The following ALDOB variants were observed in gnomAD, a reference collection of about 807,000 sequenced individuals.
ALDOB encodes fructose-bisphosphate aldolase B.
ALDOB carries 39 observed loss-of-function variants against 41.0 expected under a neutral mutation model. The observed-to-expected ratio is 0.95, with a 90% CI of 0.74 to 1.24. The LOEUF (loss-of-function observed/expected upper bound fraction) is 1.24. Ranked by LOEUF, ALDOB falls within the 50% of genes most tolerant of loss-of-function variation. The probability of loss-of-function intolerance (pLI) is 0.00; values close to 1 mark genes in which losing one functional copy is unlikely to be tolerated. For synonymous variants in ALDOB, 175 were observed against 168.8 expected, an observed-to-expected ratio of 1.04 and a Z score of -0.28; for missense variants, 530 against 457.3, an observed-to-expected ratio of 1.16 and a Z score of -1.45.
chr9:101,429,936 T>A lies in ALDOB; in HGVS notation c.143A>T (p.Lys48Met). The A allele has an allele frequency of 6.2e-7, 1 of 1,614,134 alleles. No homozygotes were observed. The highest frequency in any genetic ancestry group is 1.3e-5 in the African/African-American group (1 of 75,046). The stretch of plus-strand genomic sequence containing the variant: ...GCGGTTCTCTTCAGTGTTTTCCACC[T>A]TGATCCTCTGCAGGCGGTTCCCCAT... ...GTMGNRLQRIKVENTEENRRQ... is the reference protein window; with the variant it reads ...GTMGNRLQRIMVENTEENRRQ... The change falls in exon 3 of 9, where the codon AAG becomes ATG. Residue 48 changes from lysine (K) to methionine (M), a missense_variant. Lys to Met is a moderately conservative substitution (Grantham distance 95). Coordinates refer to ENST00000647789, the MANE Select transcript of ALDOB (RefSeq NM_000035.4).
At chr9:101,432,452 G>A (rs1314117553) in intron 1 of ALDOB, among the ~76,000 whole-genome samples, 3 of 152,102 alleles carry the variant, frequency 2.0e-5, no homozygotes, top group African/African-American at 7.2e-5. Context: ...AAGCCAACCT[G>A]GGTGTGATCT....
At chr9:101,425,300 G>C (rs187189602) in intron 7 of ALDOB, among the ~76,000 whole-genome samples, 153 bp downstream of exon 7, 15 of 152,310 alleles carry the variant, frequency 9.8e-5, no homozygotes, top group Admixed American at 7.8e-4. Context: ...GGGATGCTTG[G>C]TATTCTGAAG....
rs1307637396 is a variant in ALDOB at position 101,427,573 on chromosome 9, G to A, written c.449C>T (p.Ala150Val). 1 of 1,614,176 alleles carries A rather than the reference G, an allele frequency of 6.2e-7. No individual in the cohort carries two copies. Among genetic ancestry groups the A allele is most frequent in the Non-Finnish European group, 8.5e-7 (1 of 1,180,030 alleles). ...KDGVDFGKWRAVLRIADQCPS... is the reference protein window; with the variant it reads ...KDGVDFGKWRVVLRIADQCPS... ...ACACTGGTCGGCAATCCTCAGCACAGCACGCCACTTCCCAAAGTCAACACC... is the reference window on the plus strand; with the variant it reads ...ACACTGGTCGGCAATCCTCAGCACAACACGCCACTTCCCAAAGTCAACACC... Residue 150 changes from alanine to valine, a missense_variant, in exon 5 of 9, where the codon GCT becomes GTT. Physicochemically the swap from Ala to Val is moderately conservative, Grantham distance 64. Coordinates refer to ENST00000647789, the MANE Select transcript of ALDOB (RefSeq NM_000035.4).
At chr9:101,429,142 T>C (rs1564078624) in intron 3 of ALDOB, among the ~76,000 whole-genome samples, 1 of 150,106 alleles carries the variant, frequency 6.7e-6, no homozygotes, top group African/African-American at 2.4e-5. Context: ...TTTCTTTCTT[T>C]TTTTTTTTTT....
chr9:101,425,097 G>T, intron 7 of ALDOB, 55 bp from the exon 8 acceptor site: 1 of 1,582,436 alleles, frequency 6.3e-7, no homozygotes, highest in South Asian at 1.1e-5. Flanking sequence ...TACCCTGCTT[G>T]AGAAAGCAAG....
intron 5 of ALDOB, among the ~76,000 whole-genome samples, 169 bp from the exon 6 acceptor site, chr9:101,426,807 A>G (rs561974572): frequency 8.1e-4 from 123 of 152,340 alleles, no homozygotes; most frequent in Non-Finnish European, 1.4e-3. Flanking sequence ...AAAAATAAAT[A>G]CAAACCCGTA....
At position 101,423,764 on chromosome 9, in the gene ALDOB, G is replaced by C. The variant is rs541032621; in HGVS notation, c.999+1079C>G. Among the ~76,000 whole-genome samples, 15 of 152,032 alleles carry C rather than the reference G, an allele frequency of 9.9e-5. No individual in the cohort carries two copies. The South Asian group carries it at 3.1e-3, about 32-fold the overall frequency. ...TATCCCCACTCTCCTCATCTTTACT[G>C]TCTCCTCTGGCTCCTCTTTCTTTAC... On this transcript the variant is annotated intron_variant, in intron 8 of 8. Coordinates refer to ENST00000647789, the MANE Select transcript of ALDOB (RefSeq NM_000035.4).
At chr9:101,426,411 G>C (rs1253771894) in intron 6 of ALDOB, 144 bp downstream of exon 6, 1 of 667,824 alleles carries the variant, frequency 1.5e-6, no homozygotes, top group Non-Finnish European at 2.7e-6. Flanking sequence ...AAGGTGAAGG[G>C]CTGATGAGCA....
intron 3 of ALDOB, among the ~76,000 whole-genome samples, chr9:101,429,138 TC>T (rs1831175519): frequency 6.7e-6 from 1 of 149,664 alleles, no homozygotes; most frequent in African/African-American, 2.4e-5. Context: ...CTTTTTTCTT[TC>T]TTTTTTTTTT....
At chr9:101,432,110 C>T (rs910793334) in intron 1 of ALDOB, among the ~76,000 whole-genome samples, 3 of 152,156 alleles carry the variant, frequency 2.0e-5, no homozygotes, top group African/African-American at 7.2e-5. Flanking sequence ...TTTCTGCATC[C>T]CTTCAGGGTA....
At chr9:101,425,172 T>C in intron 7 of ALDOB, 130 bp from the exon 8 acceptor site, 1 of 1,129,324 alleles carries the variant, frequency 8.9e-7, no homozygotes, top group South Asian at 1.3e-5. Flanking sequence ...TAAAGCAAAC[T>C]GAGAAATCAG....
intron 8 of ALDOB, 149 bp downstream of exon 8, chr9:101,424,694 A>G: frequency 1.1e-6 from 1 of 896,264 alleles, no homozygotes; most frequent in Admixed American, 2.0e-5. Context: ...CAATCCTCAT[A>G]CTGACCTCTA....
chr9:101,434,703 C>T (rs987496570), intron 1 of ALDOB, among the ~76,000 whole-genome samples: 25 of 152,178 alleles, frequency 1.6e-4, no homozygotes, highest in Middle Eastern at 3.2e-3. Flanking sequence ...CTTTAACACA[C>T]GCGGAGCAGC....
rs369586696 is a variant in ALDOB, at chr9:101,421,877, A to G, written c.1027T>C (p.Tyr343His). 8.4e-5 allele frequency: 136 copies of G among 1,613,898 alleles called. No individual in the cohort carries two copies. Among genetic ancestry groups the G allele is most frequent in the Non-Finnish European group, 1.1e-4 (135 of 1,179,990 alleles). The change falls in exon 9 of 9, where the codon TAT (tyrosine) becomes CAT (histidine). Residue 343 changes from tyrosine to histidine, a missense_variant. Physicochemically the swap from Tyr to His is moderately conservative, Grantham distance 83. Transcript: ENST00000647789. Reference protein sequence around the residue: ...MANCQAAKGQYVHTGSSGAAS... With the variant: ...MANCQAAKGQHVHTGSSGAAS... ...GCCCCAGAAGAACCCGTGTGAACAT[A>G]CTGTCCTTTGGCCGCCTGGCAGTTA...
intron 1 of ALDOB, among the ~76,000 whole-genome samples, chr9:101,431,302 T>C (rs1196765722): frequency 6.6e-6 from 1 of 152,220 alleles, no homozygotes; most frequent in Non-Finnish European, 1.5e-5. Flanking sequence ...AATGTCGCTC[T>C]TGACCTCTGC....
chr9:101,428,382 T>G, intron 4 of ALDOB, 87 bp downstream of exon 4: 1 of 1,199,652 alleles, frequency 8.3e-7, no homozygotes. Context: ...GTAATAGTTG[T>G]GTTTTGTTTT....
At chr9:101,435,497 C>G (rs547885068) in intron 1 of ALDOB, among the ~76,000 whole-genome samples, 1 of 152,228 alleles carries the variant, frequency 6.6e-6, no homozygotes, top group East Asian at 1.9e-4. Flanking sequence ...TGCCACCTCT[C>G]AAAAAGTCAG....
Position 101,427,498 on chromosome 9 carries a change from G to A in ALDOB, c.524C>T (p.Ala175Val). Residue 175 changes from alanine to valine, a missense_variant, in exon 5 of 9, where the codon GCC becomes GTC. Transcript: ENST00000647789. ...GCAGAGCACCTGCTGACAGATGCTG[G>A]CGTAGCGAGCCAGGGCGTTGGCGTT... ...QENANALARYASICQQNGLVP... is the reference protein window; with the variant it reads ...QENANALARYVSICQQNGLVP... The A allele has an allele frequency of 6.2e-7, 1 of 1,614,182 alleles. No individual in the cohort carries two copies.
intron 6 of ALDOB, 58 bp downstream of exon 6, chr9:101,426,497 T>A (rs983478214): frequency 1.3e-5 from 14 of 1,045,764 alleles, no homozygotes; most frequent in Non-Finnish European, 2.1e-5. Context: ...AAGTAACAGC[T>A]GTTACCTAAA....
Sources: gnomAD v4.1 joint callset for allele counts (sites outside exome capture counted in the v4.1 genomes callset) on GRCh38, gnomAD v4.1.1 for gene constraint, MANE v1.5 for transcripts, NCBI Gene and HGNC (gene_info 2026-07-23, HGNC 2026-07-21) for gene names.